The following PIWIL4 variants were observed in gnomAD, a reference collection of about 807,000 sequenced individuals.
PIWIL4 encodes piwi like RNA-mediated gene silencing 4, also known as piwi-like protein 4.
Under a neutral mutation model 100.9 loss-of-function variants are expected in PIWIL4, and 50 were observed. The observed-to-expected ratio is 0.50, with a 90% CI of 0.39 to 0.63. The LOEUF (loss-of-function observed/expected upper bound fraction) is 0.63, where lower values mean the gene tolerates loss of function less well. Ranked by LOEUF, PIWIL4 falls within the 20% of genes least tolerant of loss-of-function variation. The pLI is 0.00. For synonymous variants in PIWIL4, 342 were observed against 367.5 expected, an observed-to-expected ratio of 0.93 and a Z score of 0.79; for missense variants, 887 against 1,043.3, an observed-to-expected ratio of 0.85 and a Z score of 2.06.
At chr11:94,572,739 T>C (rs1290661554) in intron 2 of PIWIL4, among the ~76,000 whole-genome samples, 1 of 152,258 alleles carries the variant, frequency 6.6e-6, no homozygotes, top group Non-Finnish European at 1.5e-5. Flanking sequence ...GCCAGCTTTG[T>C]TCTTTTGGCT....
At chr11:94,597,719 G>A (rs1216306385) in intron 10 of PIWIL4, 85 bp from the exon 11 acceptor site, 2 of 913,284 alleles carry the variant, frequency 2.2e-6, no homozygotes, top group East Asian at 2.6e-5. Context: ...CAGGAATCCT[G>A]AAGACACAGA....
rs1948647222 is a variant in PIWIL4, at chr11:94,601,901, A to C, written c.1487A>C (p.Glu496Ala). 2 of 1,614,164 alleles carry C rather than the reference A, an allele frequency of 1.2e-6. No homozygotes were observed. Among genetic ancestry groups the C allele is most frequent in the Non-Finnish European group, 1.7e-6 (2 of 1,180,012 alleles). Residue 496 changes from glutamate (E) to alanine (A), a missense_variant, in exon 12 of 20, where the codon GAA becomes GCA. Physicochemically the swap from Glu to Ala is moderately radical, Grantham distance 107. This residue lies in a region of PIWIL4 where 741 missense variants were observed against 930.0 expected (regional missense o/e 0.80). Coordinates refer to ENST00000299001, the MANE Select transcript of PIWIL4 (RefSeq NM_152431.3). The part of the protein sequence containing the change: ...TWLILCSDRT[E>A]YVAESFLNCL... The stretch of plus-strand genomic sequence containing the variant: ...TTGATTTTATGTAGCGACAGAACTG[A>C]ATATGTTGCCGAGAGCTTTCTGAAC...
intron 13 of PIWIL4, among the ~76,000 whole-genome samples, chr11:94,604,401 A>T (rs1948688429): frequency 6.6e-6 from 1 of 152,000 alleles, no homozygotes; most frequent in African/African-American, 2.4e-5. Flanking sequence ...ATTTCAGGGG[A>T]TTCTTGGAGG....
At chr11:94,574,436 G>A (rs918027583) in intron 2 of PIWIL4, among the ~76,000 whole-genome samples, 1 of 152,182 alleles carries the variant, frequency 6.6e-6, no homozygotes, top group Non-Finnish European at 1.5e-5. Context: ...GAATGGGGAG[G>A]GAGGGCTTTC....
At chr11:94,571,021 TC>T (rs1235532699) in intron 2 of PIWIL4, among the ~76,000 whole-genome samples, 4 of 152,218 alleles carry the variant, frequency 2.6e-5, no homozygotes, top group Non-Finnish European at 5.9e-5. Flanking sequence ...CATTAGGTTC[TC>T]CCAGACTCTG....
intron 15 of PIWIL4, among the ~76,000 whole-genome samples, chr11:94,613,492 A>G (rs1000787575): frequency 6.6e-6 from 1 of 152,194 alleles, no homozygotes; most frequent in African/African-American, 2.4e-5. Context: ...GGATGTTCCT[A>G]TCTCTTTCCA....
intron 12 of PIWIL4, among the ~76,000 whole-genome samples, 190 bp from the exon 13 acceptor site, chr11:94,603,794 T>C (rs1237861608): frequency 6.6e-6 from 1 of 152,244 alleles, no homozygotes; most frequent in Non-Finnish European, 1.5e-5. Context: ...GTAAAAATTA[T>C]TGCGAAATGT....
chr11:94,593,019 C>T (rs142771982), intron 8 of PIWIL4, among the ~76,000 whole-genome samples: 22 of 152,282 alleles, frequency 1.4e-4, no homozygotes, highest in East Asian at 5.8e-4. Context: ...GCTGCTTCCC[C>T]GTAACATCCT....
At position 94,619,762 on chromosome 11, in the gene PIWIL4, C is replaced by T. The variant is rs1565286169; in HGVS notation, c.2171C>T (p.Ser724Leu). ...TATTTTGCCTCTCTAATTTTTAGCTCAAGACTGTCGGTGATTGTGGTCAGG... is the reference window on the plus strand; with the variant it reads ...TATTTTGCCTCTCTAATTTTTAGCTTAAGACTGTCGGTGATTGTGGTCAGG... ...SVAESSSNTSSRLSVIVVRKK... is the reference protein window; with the variant it reads ...SVAESSSNTSLRLSVIVVRKK... Residue 724 changes from serine (S) to leucine (L), a missense_variant and splice_region_variant, in exon 18 of 20, where the codon TCA becomes TTA. Transcript: ENST00000299001. 1.2e-6 allele frequency: 2 copies of T among 1,613,254 alleles called. No individual in the cohort carries two copies. The highest frequency in any genetic ancestry group is 1.7e-6 in the Non-Finnish European group (2 of 1,179,790).
chr11:94,589,507 C>G (rs529792728), intron 8 of PIWIL4, among the ~76,000 whole-genome samples: 1 of 152,304 alleles, frequency 6.6e-6, no homozygotes, highest in South Asian at 2.1e-4. Flanking sequence ...CTCCTTATTG[C>G]CTTAGGACCA....
chr11:94,574,190 A>C (rs1330166672), intron 2 of PIWIL4, among the ~76,000 whole-genome samples: 1 of 152,246 alleles, frequency 6.6e-6, no homozygotes, highest in African/African-American at 2.4e-5. Context: ...AGAAGCTGTC[A>C]GTAAGTGATA....
At chr11:94,595,217 A>C (rs1044971461) in intron 9 of PIWIL4, 92 bp from the exon 10 acceptor site, 2 of 933,164 alleles carry the variant, frequency 2.1e-6, no homozygotes, top group Admixed American at 2.0e-5. Context: ...CAGATGGTGA[A>C]TGCATTCAAG....
chr11:94,597,965 G>T, intron 11 of PIWIL4, 50 bp downstream of exon 11: 2 of 1,441,806 alleles, frequency 1.4e-6, no homozygotes, highest in Non-Finnish European at 9.7e-7. Context: ...TTGAATATGT[G>T]TAAGTTTTGT....
At chr11:94,615,819 A>G (rs556628570) in intron 15 of PIWIL4, among the ~76,000 whole-genome samples, 1 of 152,152 alleles carries the variant, frequency 6.6e-6, no homozygotes, top group Non-Finnish European at 1.5e-5. Context: ...CTGTTGTTGC[A>G]TATATTTAGA....
chr11:94,599,414 T>G (rs950122136), intron 11 of PIWIL4, among the ~76,000 whole-genome samples: 1 of 152,168 alleles, frequency 6.6e-6, no homozygotes, highest in Admixed American at 6.5e-5. Context: ...TTTCTGAAAT[T>G]AGGTCCTAGG....
At chr11:94,590,411 G>A (rs4256938) in intron 8 of PIWIL4, among the ~76,000 whole-genome samples, 33,642 of 152,024 alleles carry the variant, frequency 0.22, 5,827 homozygotes, top group African/African-American at 0.48. Context: ...CTCCTTTGAC[G>A]TTTTCCTCCT....
At chr11:94,607,344 G>A in intron 13 of PIWIL4, 95 bp from the exon 14 acceptor site, 1 of 1,152,508 alleles carries the variant, frequency 8.7e-7, no homozygotes. Flanking sequence ...GGTAAAAGAT[G>A]TTTGGAGAAT....
At chr11:94,574,052 A>T (rs1298215628) in intron 2 of PIWIL4, among the ~76,000 whole-genome samples, 1 of 152,242 alleles carries the variant, frequency 6.6e-6, no homozygotes, top group Non-Finnish European at 1.5e-5. Context: ...CTAGAAATTC[A>T]TATTACTTTG....
chr11:94,570,872 A>G (rs891788028), intron 2 of PIWIL4, among the ~76,000 whole-genome samples: 4 of 152,230 alleles, frequency 2.6e-5, no homozygotes, highest in African/African-American at 9.6e-5. Flanking sequence ...AGCTTGGGCA[A>G]CAAGAGGGAA....
Sources: gnomAD v4.1 joint callset for allele counts (sites outside exome capture counted in the v4.1 genomes callset) on GRCh38, gnomAD v4.1.1 for gene constraint, gnomAD v4.1.1 regional missense constraint, MANE v1.5 for transcripts, NCBI Gene and HGNC (gene_info 2026-07-23, HGNC 2026-07-21) for gene names.